The following ATG2B variants were observed in gnomAD, a reference collection of about 807,000 sequenced individuals.
ATG2B encodes autophagy-related protein 2 homolog B.
ATG2B carries 121 observed loss-of-function variants against 241.3 expected under a neutral mutation model. The observed-to-expected ratio is 0.50, with a 90% CI of 0.43 to 0.58. The LOEUF is 0.58. ATG2B is among the 20% of genes least tolerant of loss of function. ATG2B has a pLI of 0.00. For synonymous variants in ATG2B, 858 were observed against 876.6 expected (o/e 0.98, Z 0.37); for missense variants, 2,306 against 2,491.6 (o/e 0.93, Z 1.59).
chr14:96,334,891 T>A (rs568484840), intron 6 of ATG2B, among the ~76,000 whole-genome samples: 3 of 152,300 alleles, frequency 2.0e-5, no homozygotes, highest in African/African-American at 4.8e-5. Context: ...CTGATTCACA[T>A]CAAGAACAAA....
intron 14 of ATG2B, among the ~76,000 whole-genome samples, chr14:96,327,229 T>TTAATAATAA (rs1566726548): frequency 5.1e-5 from 1 of 19,650 alleles, no homozygotes; most frequent in African/African-American, 1.9e-4. Flanking sequence ...GATGTCTGTC[T>TTAATAATAA]CAATAATAAT....
Position 96,305,625 on chromosome 14 carries a change from C to T in ATG2B, c.4697G>A (p.Gly1566Glu). 1.2e-6 allele frequency: 2 copies of T among 1,613,970 alleles called. No individual in the cohort carries two copies. The highest frequency in any genetic ancestry group is 1.7e-6 in the Non-Finnish European group (2 of 1,179,878). Residue 1566 changes from glycine to glutamate, a missense_variant, in exon 31 of 42, where the codon GGA (glycine) becomes GAA (glutamate). Gly to Glu is a moderately conservative substitution (Grantham distance 98). This residue lies in a region of ATG2B where 1,927 missense variants were observed against 2,011.2 expected (regional missense o/e 0.96). Coordinates refer to ENST00000359933, the MANE Select transcript of ATG2B (RefSeq NM_018036.7). ...AGCCGGAGAAGTGGGAGGGACTATT[C>T]CAAAATCCTTTCCTCCATAAAGATG... ...VWHLYGGKDF[G>E]IVPPTSPAKS...
At chr14:96,329,988 T>C (rs183849887) in intron 11 of ATG2B, among the ~76,000 whole-genome samples, 1 of 152,140 alleles carries the variant, frequency 6.6e-6, no homozygotes, top group Non-Finnish European at 1.5e-5. Flanking sequence ...GGTCTACCTA[T>C]ATTTTCTGCC....
chr14:96,333,018 A>G (rs563071940), intron 8 of ATG2B, among the ~76,000 whole-genome samples: 1 of 152,234 alleles, frequency 6.6e-6, no homozygotes, highest in African/African-American at 2.4e-5. Flanking sequence ...ATCTGGATAC[A>G]GTTATTTCTT....
At chr14:96,343,016 A>G (rs1421198998) in intron 5 of ATG2B, 103 bp downstream of exon 5, 1 of 769,072 alleles carries the variant, frequency 1.3e-6, no homozygotes, top group African/African-American at 1.8e-5. Context: ...CAAGACAGAG[A>G]TTCATTAAGA....
chr14:96,305,886 A>C, intron 30 of ATG2B, 71 bp from the exon 31 acceptor site: 9 of 1,180,078 alleles, frequency 7.6e-6, no homozygotes, highest in Non-Finnish European at 1.1e-5. Flanking sequence ...TGCACATCTC[A>C]AGGGGCATTC....
At chr14:96,323,072 G>A (rs1887499730) in intron 16 of ATG2B, among the ~76,000 whole-genome samples, 2 of 152,154 alleles carry the variant, frequency 1.3e-5, no homozygotes, top group Non-Finnish European at 2.9e-5. Flanking sequence ...CATATAGTCT[G>A]TTCTGCTATA....
At position 96,325,671 on chromosome 14, in the gene ATG2B, T is replaced by C. The variant is rs745511244; in HGVS notation, c.2415A>G (p.Glu805=). 1 of 1,613,222 alleles carries C rather than the reference T, an allele frequency of 6.2e-7. No homozygotes were observed. Among genetic ancestry groups the C allele is most frequent in the Non-Finnish European group, 8.5e-7 (1 of 1,179,762 alleles). ...TACCAATTAGTTCTCTAAAGGTAAG[T>C]TCCAATTTAATTTGTTCTGGGGTTG... is the stretch of plus-strand genomic sequence containing the variant. ...GGSTPEQIKL[E]LTFRELIGSF... The change falls in exon 15 of 42, where the codon GAA becomes GAG. Residue 805 remains glutamate, a synonymous_variant. Coordinates refer to ENST00000359933, the MANE Select transcript of ATG2B (RefSeq NM_018036.7).
chr14:96,314,315 A>T (rs1887243774), intron 23 of ATG2B, among the ~76,000 whole-genome samples: 1 of 152,222 alleles, frequency 6.6e-6, no homozygotes, highest in African/African-American at 2.4e-5. Flanking sequence ...ATTCTCACAT[A>T]AGGAAAAGCT....
At chr14:96,297,288 C>T (rs924529316) in intron 34 of ATG2B, among the ~76,000 whole-genome samples, 1 of 150,604 alleles carries the variant, frequency 6.6e-6, no homozygotes, top group African/African-American at 2.4e-5. Flanking sequence ...TATCAATTTC[C>T]TCTTTAAAAA....
chr14:96,333,531 A>G (rs2139883322), intron 8 of ATG2B, among the ~76,000 whole-genome samples, 157 bp downstream of exon 8: 1 of 152,312 alleles, frequency 6.6e-6, no homozygotes, highest in East Asian at 1.9e-4. Flanking sequence ...TAATGTTGTG[A>G]TTAGATTAAT....
At chr14:96,314,731 C>T (rs1016723733) in intron 23 of ATG2B, among the ~76,000 whole-genome samples, 3 of 152,148 alleles carry the variant, frequency 2.0e-5, no homozygotes, top group South Asian at 2.1e-4. Context: ...GACAGAGCTT[C>T]GCTCTTGTCG....
chr14:96,322,024 G>T, intron 18 of ATG2B, 88 bp downstream of exon 18: 1 of 960,312 alleles, frequency 1.0e-6, no homozygotes, highest in Non-Finnish European at 1.5e-6. Context: ...TAATATTCAG[G>T]CAAGGAAAGG....
Position 96,315,393 on chromosome 14 carries a change from G to A in ATG2B, c.3552C>T (p.Ser1184=). 6.2e-7 allele frequency: 1 copy of A among 1,613,696 alleles called. No individual in the cohort carries two copies. The highest frequency in any genetic ancestry group is 1.3e-5 in the African/African-American group (1 of 74,986). ...AVKILSDKSE[S]NTKEFLIAVG... is the part of the protein sequence containing the mutation. Reference sequence around the variant, plus strand: ...AGTACAAAACACAAACCTTTGTATTGGACTCTGATTTATCAGACAATATTT... The same window carrying A: ...AGTACAAAACACAAACCTTTGTATTAGACTCTGATTTATCAGACAATATTT... Residue 1184 remains serine (S), a synonymous_variant, in exon 22 of 42, where the codon TCC becomes TCT. Transcript: ENST00000359933.
At chr14:96,313,265 T>A (rs1424903375) in intron 24 of ATG2B, 64 bp downstream of exon 24, 1 of 1,389,762 alleles carries the variant, frequency 7.2e-7, no homozygotes, top group Admixed American at 2.1e-5. Context: ...CTGAATTATG[T>A]ATTTTTTTCA....
rs1317059971 is a variant in ATG2B at position 96,283,880 on chromosome 14, G to C, written c.*1875C>G. 1.3e-5 allele frequency: 2 copies of C among 152,156 alleles called. No individual in the cohort carries two copies. The allele number at this position is 152,156 out of a possible 1,614,324, so 9.4% of individuals were successfully genotyped here. A position where few individuals can be genotyped will look rare whatever the true frequency, so the allele number is the denominator to read the frequency against. ...AGGGTAGAACAAAGAAAGAACCGCG[G>C]AGATTACATTACAAAGATATATGTT... On this transcript the variant is annotated 3_prime_UTR_variant, in exon 42 of 42. Coordinates refer to ENST00000359933, the MANE Select transcript of ATG2B (RefSeq NM_018036.7).
rs1000988510 is a variant in ATG2B at position 96,312,225 on chromosome 14, C to A, written c.3843-66G>T. The A allele has an allele frequency of 1.1e-5, 12 of 1,064,706 alleles. No individual in the cohort carries two copies. The African/African-American group carries it at 2.0e-4, about 17-fold the overall frequency. The allele number at this position is 1,064,706 out of a possible 1,614,324, so 66.0% of individuals were successfully genotyped here. Reference sequence around the variant, plus strand: ...CTTTGAGTATCATACCCCATAATCACTATATGCTTAATTGCATCATTCTTT... The same window carrying A: ...CTTTGAGTATCATACCCCATAATCAATATATGCTTAATTGCATCATTCTTT... On this transcript the variant is annotated intron_variant, in intron 25 of 41. Transcript: ENST00000359933.
chr14:96,350,064 G>A (rs1276670737), intron 1 of ATG2B, among the ~76,000 whole-genome samples: 1 of 152,282 alleles, frequency 6.6e-6, no homozygotes, highest in Middle Eastern at 3.4e-3. Context: ...GCCGAGGTGG[G>A]AGGAATGCTT....
chr14:96,344,767 CAAGT>C lies in ATG2B; in HGVS notation c.479-15_479-12del. 1 of 1,345,712 alleles carries C rather than the reference CAAGT, an allele frequency of 7.4e-7. No homozygotes were observed. The highest frequency in any genetic ancestry group is 1.0e-6 in the Non-Finnish European group (1 of 968,246). 83.4% of individuals were successfully genotyped at this position (1,345,712 alleles called of 1,614,324 possible). On this transcript the variant is annotated splice_polypyrimidine_tract_variant and intron_variant, in intron 3 of 41. Transcript: ENST00000359933. The stretch of plus-strand genomic sequence containing the variant: ...TTACTCTTCTTAGTACTAAAGTAAA[CAAGT>C]AATTGTCAACGTAAGAGACCACATA...
Sources: gnomAD v4.1 joint callset for allele counts (sites outside exome capture counted in the v4.1 genomes callset) on GRCh38, gnomAD v4.1.1 for gene constraint, gnomAD v4.1.1 regional missense constraint, MANE v1.5 for transcripts, NCBI Gene and HGNC (gene_info 2026-07-23, HGNC 2026-07-21) for gene names.